Variants in GSK3B observed in about 807,000 individuals in gnomAD.
The protein encoded by GSK3B is glycogen synthase kinase-3 beta.
GSK3B carries 15 observed loss-of-function variants against 56.4 expected under a neutral mutation model. The observed-to-expected ratio is 0.27, with a 90% CI of 0.18 to 0.41. GSK3B has a LOEUF of 0.41. GSK3B is among the 10% of genes least tolerant of loss of function. The pLI, the probability that GSK3B is intolerant of heterozygous loss-of-function variation, is 1.00. For missense variants in GSK3B, 300 were observed against 513.4 expected (o/e 0.58, Z 4.02); for synonymous variants, 181 against 188.9 (o/e 0.96, Z 0.34).
chr3:119,905,958 G>A, intron 6 of GSK3B, 106 bp from the exon 7 acceptor site: 4 of 711,542 alleles, frequency 5.6e-6, no homozygotes, highest in South Asian at 3.4e-5. Context: ...AAATATCACA[G>A]GAAAAGATTA....
intron 10 of GSK3B, among the ~76,000 whole-genome samples, chr3:119,835,996 CTG>C (rs1381658452): frequency 6.6e-6 from 1 of 152,254 alleles, no homozygotes; most frequent in East Asian, 1.9e-4. Context: ...AGAAATTATT[CTG>C]TGTTTAATTC....
chr3:120,010,202 A>T (rs1576268754), intron 1 of GSK3B, among the ~76,000 whole-genome samples: 1 of 152,200 alleles, frequency 6.6e-6, no homozygotes, highest in African/African-American at 2.4e-5. Flanking sequence ...CCTTAGGTAT[A>T]TTTGCTAAAA....
At chr3:119,898,353 A>G (rs2108073047) in intron 7 of GSK3B, among the ~76,000 whole-genome samples, 1 of 152,280 alleles carries the variant, frequency 6.6e-6, no homozygotes, top group East Asian at 1.9e-4. Context: ...AAAGCAAAGC[A>G]AAGGAATTGT....
At chr3:119,848,402 T>TA (rs1301312202) in intron 9 of GSK3B, among the ~76,000 whole-genome samples, 1 of 151,834 alleles carries the variant, frequency 6.6e-6, no homozygotes, top group Admixed American at 6.6e-5. Flanking sequence ...GCATGAATTT[T>TA]AAAAAGTTCA....
chr3:120,073,141 C>T (rs1304784314), intron 1 of GSK3B, among the ~76,000 whole-genome samples: 1 of 149,244 alleles, frequency 6.7e-6, no homozygotes, highest in Non-Finnish European at 1.5e-5. Context: ...AATCCCTGCA[C>T]TCTGAGAGGA....
At chr3:120,077,111 G>C (rs1016221033) in intron 1 of GSK3B, among the ~76,000 whole-genome samples, 4 of 152,176 alleles carry the variant, frequency 2.6e-5, no homozygotes, top group Admixed American at 6.5e-5. Context: ...AAACAGTATG[G>C]AGGTTTCTAA....
chr3:119,924,224 G>A (rs1417067072), intron 3 of GSK3B, among the ~76,000 whole-genome samples: 3 of 152,216 alleles, frequency 2.0e-5, no homozygotes, highest in African/African-American at 7.2e-5. Context: ...TCTAACTTAA[G>A]CACCAAGTAG....
intron 4 of GSK3B, 77 bp downstream of exon 4, chr3:119,923,296 G>A: frequency 6.9e-6 from 5 of 727,650 alleles, no homozygotes; most frequent in Admixed American, 2.3e-5. Flanking sequence ...CAATAATATA[G>A]TTAAAACATA....
chr3:120,028,504 C>A (rs1030072700), intron 1 of GSK3B, among the ~76,000 whole-genome samples: 1 of 152,226 alleles, frequency 6.6e-6, no homozygotes, highest in African/African-American at 2.4e-5. Context: ...TAAGTCTCCA[C>A]CAGAAATACT....
chr3:120,026,313 G>A (rs1040892562), intron 1 of GSK3B, among the ~76,000 whole-genome samples: 5 of 152,164 alleles, frequency 3.3e-5, no homozygotes, highest in African/African-American at 7.2e-5. Flanking sequence ...GAGGCAATGA[G>A]AAGGTATCTG....
intron 2 of GSK3B, among the ~76,000 whole-genome samples, chr3:119,982,901 A>AT (rs2107454421): frequency 6.6e-6 from 1 of 152,316 alleles, no homozygotes; most frequent in Admixed American, 6.5e-5. Context: ...AAGACACATA[A>AT]TTGACAGATT....
chr3:119,843,264 CTGTGGCATT>C lies in GSK3B; in HGVS notation c.1177_1185del (p.Asn393_Thr395del). On this transcript the variant is annotated inframe_deletion, in exon 10 of 11. Coordinates refer to ENST00000264235, the MANE Select transcript of GSK3B (RefSeq NM_001146156.2). The stretch of plus-strand genomic sequence containing the variant: ...CTTAGAACGTTCTTACCTGACGCTG[CTGTGGCATT>C]TGTGGGGGTTGAAGCAGCTGCTTGA... 6.2e-7 allele frequency: 1 copy of C among 1,603,642 alleles called. No individual in the cohort carries two copies.
intron 10 of GSK3B, among the ~76,000 whole-genome samples, chr3:119,837,985 A>G (rs1223893877): frequency 6.7e-6 from 1 of 148,268 alleles, no homozygotes; most frequent in African/African-American, 2.5e-5. Context: ...AGTCGACATA[A>G]GAAATTATAC....
intron 10 of GSK3B, among the ~76,000 whole-genome samples, chr3:119,831,743 T>A (rs1029019674): frequency 3.3e-5 from 5 of 151,844 alleles, no homozygotes; most frequent in African/African-American, 1.2e-4. Context: ...CAGTATGGGG[T>A]GTACAGAGAT....
intron 1 of GSK3B, among the ~76,000 whole-genome samples, chr3:120,032,219 G>A (rs996739629): frequency 9.9e-5 from 15 of 152,240 alleles, no homozygotes; most frequent in Middle Eastern, 3.4e-3. Context: ...GCTCATGCCC[G>A]TAACCCCAAC....
intron 2 of GSK3B, among the ~76,000 whole-genome samples, chr3:119,970,322 G>A (rs2057353808): frequency 6.6e-6 from 1 of 151,946 alleles, no homozygotes; most frequent in Admixed American, 6.6e-5. Context: ...ATATACGGAT[G>A]GCAAATAAAT....
intron 1 of GSK3B, among the ~76,000 whole-genome samples, chr3:120,036,792 C>CAAAAAAAAA (rs560163237): frequency 3.1e-5 from 2 of 64,318 alleles, no homozygotes; most frequent in African/African-American, 1.1e-4. Flanking sequence ...GACTCCGACT[C>CAAAAAAAAA]AAAAAAAAAA....
Position 119,822,121 on chromosome 3 carries a change from A to AAG in GSK3B, c.*4666_*4667insCT, listed in dbSNP as rs2107985720. On this transcript the variant is annotated 3_prime_UTR_variant, in exon 11 of 11. Transcript: ENST00000264235. ...CACAAAAAAGTTTATATTTAAAATG[A>AAG]AAAAAAAATCAGTCACAGAGGCATT... 1.8e-5 allele frequency: 1 copy of AAG among 56,906 alleles called. No individual in the cohort carries two copies. The allele number at this position is 56,906 out of a possible 1,614,324, so 3.5% of individuals were successfully genotyped here. A position where few individuals can be genotyped will look rare whatever the true frequency, so the allele number is the denominator to read the frequency against.
At chr3:119,886,088 G>A (rs1732169) in intron 7 of GSK3B, among the ~76,000 whole-genome samples, 137,308 of 152,216 alleles carry the variant, frequency 0.9, 61,984 homozygotes, top group Admixed American at 0.93. Context: ...ACAACTATCA[G>A]CAGAATAAAC....
Sources: allele counts gnomAD v4.1 joint callset (sites outside exome capture counted in the v4.1 genomes callset), GRCh38; gene constraint gnomAD v4.1.1; transcripts MANE v1.5; gene names NCBI Gene and HGNC (gene_info 2026-07-23, HGNC 2026-07-21).